The following MME variants were observed in gnomAD, a reference collection of about 807,000 sequenced individuals.
MME encodes neprilysin.
In MME, 98 loss-of-function variants were observed where a neutral mutation model predicts 113.2. The observed-to-expected ratio is 0.87, with a 90% CI of 0.74 to 1.02. The LOEUF (loss-of-function observed/expected upper bound fraction) is 1.02, where lower values mean the gene tolerates loss of function less well. Ranked by LOEUF, MME falls within the 50% of genes least tolerant of loss-of-function variation. The probability of loss-of-function intolerance (pLI) is 0.00; values close to 1 mark genes in which losing one functional copy is unlikely to be tolerated. For missense variants in MME, 836 were observed against 896.0 expected (o/e 0.93, Z 0.86); for synonymous variants, 292 against 300.6 (o/e 0.97, Z 0.30).
At chr3:155,103,164 A>G (rs1325862739) in intron 3 of MME, among the ~76,000 whole-genome samples, 1 of 152,212 alleles carries the variant, frequency 6.6e-6, no homozygotes, top group Non-Finnish European at 1.5e-5. Flanking sequence ...GTCCACTAAA[A>G]TGTAAGTTTT....
Position 155,147,127 on chromosome 3 carries a change from T to C in MME, c.1417-17T>C, listed in dbSNP as rs751524401. On this transcript the variant is annotated splice_polypyrimidine_tract_variant and intron_variant, in intron 14 of 22. Transcript: ENST00000360490. The stretch of plus-strand genomic sequence containing the variant: ...GTTATATAATCATCTTCACATTCAA[T>C]ATTATAATTTTCATAGGCCTTAGCA... 2 of 1,486,668 alleles carry C rather than the reference T, an allele frequency of 1.3e-6. No individual in the cohort carries two copies. The highest frequency in any genetic ancestry group is 3.3e-5 in the Admixed American group (2 of 59,810). The allele number at this position is 1,486,668 out of a possible 1,614,324, so 92.1% of individuals were successfully genotyped here. A position where few individuals can be genotyped will look rare whatever the true frequency, so the allele number is the denominator to read the frequency against.
At chr3:155,128,433 C>T (rs1367162703) in intron 8 of MME, among the ~76,000 whole-genome samples, 2 of 152,114 alleles carry the variant, frequency 1.3e-5, no homozygotes, top group Non-Finnish European at 2.9e-5. Flanking sequence ...TGTCTTATTG[C>T]TTCATGAACA....
At chr3:155,039,811 AT>A (rs1164836208) in intron 1 of MME, among the ~76,000 whole-genome samples, 1 of 152,200 alleles carries the variant, frequency 6.6e-6, no homozygotes, top group African/African-American at 2.4e-5. Context: ...TCCCAGTTTC[AT>A]TAAGATATAA....
In MME at chr3:155,089,260, A is replaced by G. The variant is rs1007412418; in HGVS notation, c.196+4166A>G. On this transcript the variant is annotated intron_variant, in intron 3 of 22. Coordinates refer to ENST00000360490, the MANE Select transcript of MME (RefSeq NM_007289.4). ...AGGTCATCAAAAACTTAGAGTTATA[A>G]AACTTGTATGTGATTTTGCAGACTT... Among the ~76,000 whole-genome samples the G allele has an allele frequency of 2.6e-5, 4 of 152,300 alleles. No homozygotes were observed. The South Asian group carries it at 8.3e-4, about 32-fold the overall frequency.
intron 1 of MME, among the ~76,000 whole-genome samples, chr3:155,045,326 T>A (rs929506603): frequency 6.6e-6 from 1 of 151,916 alleles, no homozygotes; most frequent in Non-Finnish European, 1.5e-5. Context: ...AATTTTTGTA[T>A]TTTAGTGGAG....
chr3:155,176,856 G>C (rs1712581976), intron 22 of MME, among the ~76,000 whole-genome samples: 1 of 152,070 alleles, frequency 6.6e-6, no homozygotes. Flanking sequence ...TCAAAGATTT[G>C]ATGTCATAAA....
At chr3:155,166,763 C>T in intron 17 of MME, 139 bp from the exon 18 acceptor site, 4 of 1,057,762 alleles carry the variant, frequency 3.8e-6, no homozygotes, top group Admixed American at 1.8e-5. Context: ...AACCCCAAGC[C>T]TGCCATCACT....
intron 20 of MME, among the ~76,000 whole-genome samples, chr3:155,169,472 A>G (rs1711669976): frequency 6.6e-6 from 1 of 152,164 alleles, no homozygotes; most frequent in African/African-American, 2.4e-5. Flanking sequence ...TGAATGCTTT[A>G]TGAAAGGTCA....
Position 155,168,609 on chromosome 3 carries a change from T to G in MME, c.1898T>G (p.Leu633Arg), listed in dbSNP as rs201331064. ...CAGTATGGAAACTTTTCCTGGGACC[T>G]GGCAGGTGGACAGCACGTATGTCAT... ...VYQYGNFSWD[L>R]AGGQHLNGIN... Residue 633 changes from leucine (L) to arginine (R), a missense_variant, in exon 19 of 23, where the codon CTG (leucine) becomes CGG (arginine). Physicochemically the swap from Leu to Arg is moderately radical, Grantham distance 102. Transcript: ENST00000360490. The G allele has an allele frequency of 2.5e-6, 4 of 1,613,882 alleles. No homozygotes were observed. Among genetic ancestry groups the G allele is most frequent in the Non-Finnish European group, 3.4e-6 (4 of 1,179,850 alleles).
At chr3:155,142,774 G>A (rs1721214400) in intron 12 of MME, among the ~76,000 whole-genome samples, 1 of 152,074 alleles carries the variant, frequency 6.6e-6, no homozygotes, top group South Asian at 2.1e-4. Context: ...CCTTTTCTTA[G>A]CCTATACCTA....
chr3:155,053,018 C>T (rs1373062383), intron 1 of MME, among the ~76,000 whole-genome samples: 2 of 152,196 alleles, frequency 1.3e-5, no homozygotes, highest in Non-Finnish European at 2.9e-5. Context: ...GTGATCTTTA[C>T]TCCAGTTCCC....
intron 1 of MME, among the ~76,000 whole-genome samples, chr3:155,082,290 T>A (rs1241938700): frequency 6.6e-6 from 1 of 152,208 alleles, no homozygotes; most frequent in African/African-American, 2.4e-5. Flanking sequence ...AGTAAAACAT[T>A]TCTCTACATT....
intron 1 of MME, among the ~76,000 whole-genome samples, chr3:155,072,019 G>A (rs1438902940): frequency 6.6e-6 from 1 of 151,868 alleles, no homozygotes; most frequent in African/African-American, 2.4e-5. Flanking sequence ...AAATTAGCCG[G>A]GCGCGGTGGC....
rs763210226 is a variant in MME at position 155,138,154 on chromosome 3, A to G, written c.773A>G (p.Gln258Arg). The G allele has an allele frequency of 1.9e-6, 3 of 1,613,790 alleles. No individual in the cohort carries two copies. Among genetic ancestry groups the G allele is most frequent in the Non-Finnish European group, 2.5e-6 (3 of 1,179,786 alleles). ...ATTTCTGTGGCCAGATTGATTCGTC[A>G]GGAAGAAAGATTGCCCATCGATGAA... ...FMISVARLIR[Q>R]EERLPIDENQ... is the part of the protein sequence containing the mutation. The change falls in exon 9 of 23, where the codon CAG becomes CGG. Residue 258 changes from glutamine to arginine, a missense_variant. Gln to Arg is a conservative substitution (Grantham distance 43, BLOSUM62 1). Transcript: ENST00000360490.
At chr3:155,090,988 G>A (rs1251381199) in intron 3 of MME, among the ~76,000 whole-genome samples, 1 of 152,142 alleles carries the variant, frequency 6.6e-6, no homozygotes, top group East Asian at 1.9e-4. Flanking sequence ...AGCACAATTA[G>A]GTAAATACAG....
chr3:155,101,931 C>T lies in MME; in HGVS notation c.197-13063C>T, dbSNP rs570672425. On this transcript the variant is annotated intron_variant, in intron 3 of 22. Coordinates refer to ENST00000360490, the MANE Select transcript of MME (RefSeq NM_007289.4). ...TCTTCATTTACTGAGGAAGGAGCAC[C>T]TTCACTGATTTTGTATGCCAACACA... 9.2e-5 allele frequency among the ~76,000 whole-genome samples: 14 copies of T among 152,302 alleles called. No individual in the cohort carries two copies. In the South Asian group the frequency reaches 2.9e-3, roughly 32 times the overall value.
intron 1 of MME, among the ~76,000 whole-genome samples, chr3:155,083,131 A>G (rs1576695014): frequency 2.0e-5 from 3 of 152,128 alleles, no homozygotes; most frequent in African/African-American, 4.8e-5. Context: ...ATATCCCCTT[A>G]ATTTTCCCCC....
chr3:155,090,991 A>C (rs1203281596), intron 3 of MME, among the ~76,000 whole-genome samples: 1 of 152,214 alleles, frequency 6.6e-6, no homozygotes, highest in Non-Finnish European at 1.5e-5. Context: ...ACAATTAGGT[A>C]AATACAGGAA....
At chr3:155,134,415 T>A (rs1436805026) in intron 8 of MME, among the ~76,000 whole-genome samples, 2 of 152,190 alleles carry the variant, frequency 1.3e-5, no homozygotes, top group Non-Finnish European at 2.9e-5. Context: ...CCTGCATTAA[T>A]TCACTTAGGA....
Sources: allele counts gnomAD v4.1 joint callset (sites outside exome capture counted in the v4.1 genomes callset), GRCh38; gene constraint gnomAD v4.1.1; transcripts MANE v1.5; gene names NCBI Gene and HGNC (gene_info 2026-07-23, HGNC 2026-07-21).